ERC2: variants seen among roughly 807,000 people sequenced by gnomAD.
The protein encoded by ERC2 is ERC protein 2.
ERC2 carries 42 observed loss-of-function variants against 114.8 expected under a neutral mutation model. That is an observed-to-expected ratio of 0.37 (90% CI 0.29 to 0.47). ERC2 has a LOEUF of 0.47. Ranked by LOEUF, ERC2 falls within the 20% of genes least tolerant of loss-of-function variation. The probability of loss-of-function intolerance (pLI) is 0.99; values close to 1 mark genes in which losing one functional copy is unlikely to be tolerated. For missense variants in ERC2, 939 were observed against 1,150.7 expected, an observed-to-expected ratio of 0.82 and a Z score of 2.66; for synonymous variants, 454 against 425.5, an observed-to-expected ratio of 1.07 and a Z score of -0.82.
intron 12 of ERC2, among the ~76,000 whole-genome samples, chr3:55,956,892 C>G (rs1386490428): frequency 6.6e-6 from 1 of 151,998 alleles, no homozygotes; most frequent in African/African-American, 2.4e-5. Flanking sequence ...GTCCTTGCTC[C>G]CCTGAGGTGA....
intron 3 of ERC2, among the ~76,000 whole-genome samples, chr3:56,195,194 G>A (rs1231437416): frequency 6.6e-6 from 1 of 152,100 alleles, no homozygotes; most frequent in South Asian, 2.1e-4. Flanking sequence ...CAACTGATCT[G>A]ATCACCAAGA....
intron 5 of ERC2, among the ~76,000 whole-genome samples, chr3:56,146,919 G>T (rs1175749325): frequency 6.6e-6 from 1 of 152,190 alleles, no homozygotes; most frequent in Non-Finnish European, 1.5e-5. Flanking sequence ...CTAACTCAAG[G>T]ATTGATGGTC....
chr3:55,557,157 AT>A (rs2055673339), intron 17 of ERC2, among the ~76,000 whole-genome samples: 1 of 152,202 alleles, frequency 6.6e-6, no homozygotes, highest in Non-Finnish European at 1.5e-5. Context: ...CAGGAAAAGG[AT>A]TCATGGAGAT....
chr3:56,450,985 T>C (rs948707816), intron 1 of ERC2, among the ~76,000 whole-genome samples: 1 of 152,178 alleles, frequency 6.6e-6, no homozygotes, highest in Non-Finnish European at 1.5e-5. Flanking sequence ...TAAAGTCTCA[T>C]AAATAGAACA....
rs1227925005 is a variant in ERC2, at chr3:55,754,084, A to AT, written c.2565-19167dup. The stretch of plus-strand genomic sequence containing the variant: ...ATTATTATAAATGCAAGCTATAGTT[A>AT]TTTTTTACCATTACTATGAGTGTGG... On this transcript the variant is annotated intron_variant, in intron 14 of 17. Coordinates refer to ENST00000288221, the MANE Select transcript of ERC2 (RefSeq NM_015576.3). Among the ~76,000 whole-genome samples the AT allele has an allele frequency of 2.0e-4, 31 of 152,236 alleles. No homozygotes were observed. The East Asian group carries it at 4.4e-3, about 22-fold the overall frequency.
At chr3:56,388,506 T>C (rs1035863214) in intron 2 of ERC2, among the ~76,000 whole-genome samples, 1 of 152,162 alleles carries the variant, frequency 6.6e-6, no homozygotes, top group Non-Finnish European at 1.5e-5. Flanking sequence ...AATAAATGTA[T>C]TTTCTTTATA....
At chr3:56,463,109 T>A (rs575063809) in intron 1 of ERC2, among the ~76,000 whole-genome samples, 1 of 152,230 alleles carries the variant, frequency 6.6e-6, no homozygotes, top group South Asian at 2.1e-4. Flanking sequence ...GCACCTGTAG[T>A]TCCAGCTACT....
At chr3:56,023,686 G>A (rs1302338273) in intron 7 of ERC2, among the ~76,000 whole-genome samples, 3 of 151,794 alleles carry the variant, frequency 2.0e-5, no homozygotes, top group Non-Finnish European at 4.4e-5. Flanking sequence ...CAAGAGCTCT[G>A]TTCTACTCAC....
At chr3:55,992,354 C>A in intron 10 of ERC2, 104 bp from the exon 11 acceptor site, 14 of 1,052,958 alleles carry the variant, frequency 1.3e-5, no homozygotes, top group Non-Finnish European at 1.9e-5. Flanking sequence ...AGAAAATCAC[C>A]ACCAAGATTT....
intron 3 of ERC2, among the ~76,000 whole-genome samples, chr3:56,218,128 A>C (rs2049621004): frequency 6.6e-6 from 1 of 152,224 alleles, no homozygotes; most frequent in Non-Finnish European, 1.5e-5. Flanking sequence ...CAAAAGCCAA[A>C]ATTGACAAAT....
intron 7 of ERC2, among the ~76,000 whole-genome samples, chr3:56,032,554 C>T (rs2074434069): frequency 6.6e-6 from 1 of 151,808 alleles, no homozygotes; most frequent in Non-Finnish European, 1.5e-5. Context: ...CCAAAAGAAT[C>T]CCAAATAAAT....
chr3:55,681,467 T>C (rs964324603), intron 17 of ERC2, among the ~76,000 whole-genome samples: 1 of 152,234 alleles, frequency 6.6e-6, no homozygotes, highest in Non-Finnish European at 1.5e-5. Flanking sequence ...TAGTTATAAA[T>C]TTAATGTCTC....
chr3:56,032,883 GAA>G lies in ERC2; in HGVS notation c.1642-13854_1642-13853del, dbSNP rs1178652865. 1.9e-3 allele frequency among the ~76,000 whole-genome samples: 212 copies of G among 109,914 alleles called. 2 individuals are homozygous for G. The highest frequency in any genetic ancestry group is 4.8e-3 in the African/African-American group (153 of 31,746). 72.1% of individuals were successfully genotyped at this position (109,914 alleles called of 152,430 possible). On this transcript the variant is annotated intron_variant, in intron 7 of 17. Coordinates refer to ENST00000288221, the MANE Select transcript of ERC2 (RefSeq NM_015576.3). ...GGAAAGAAAGAAAGAAAGAAAGAAA[GAA>G]AGAGAGAGAGAGAGACAGAAAGAAA...
intron 7 of ERC2, among the ~76,000 whole-genome samples, chr3:56,046,578 A>G (rs2075473956): frequency 6.6e-6 from 1 of 152,208 alleles, no homozygotes; most frequent in Non-Finnish European, 1.5e-5. Flanking sequence ...CAACCATAAA[A>G]CAAAGAGGCT....
At chr3:56,263,058 G>A (rs2053049470) in intron 3 of ERC2, among the ~76,000 whole-genome samples, 1 of 152,154 alleles carries the variant, frequency 6.6e-6, no homozygotes, top group Admixed American at 6.5e-5. Flanking sequence ...TCATCTTACT[G>A]CCTTTGGCAA....
At chr3:55,891,922 A>C (rs1334185627) in intron 13 of ERC2, among the ~76,000 whole-genome samples, 1 of 152,162 alleles carries the variant, frequency 6.6e-6, no homozygotes, top group Non-Finnish European at 1.5e-5. Flanking sequence ...CATGCCCCCA[A>C]GTCTCTGTCC....
At chr3:55,885,938 A>C (rs926518435) in intron 14 of ERC2, among the ~76,000 whole-genome samples, 2 of 152,216 alleles carry the variant, frequency 1.3e-5, no homozygotes, top group African/African-American at 4.8e-5. Context: ...CTGATGACTC[A>C]CAAACCAGCA....
intron 17 of ERC2, among the ~76,000 whole-genome samples, chr3:55,528,154 A>ATT (rs1255445934): frequency 2.6e-5 from 4 of 152,238 alleles, no homozygotes; most frequent in African/African-American, 4.8e-5. Flanking sequence ...AAATGCATTA[A>ATT]TATTAACCAA....
intron 17 of ERC2, among the ~76,000 whole-genome samples, chr3:55,584,548 C>T (rs2057495756): frequency 6.6e-6 from 1 of 152,108 alleles, no homozygotes; most frequent in South Asian, 2.1e-4. Context: ...TACCTTCCCA[C>T]TTACCCTATT....
Sources: gnomAD v4.1 joint callset for allele counts (sites outside exome capture counted in the v4.1 genomes callset) on GRCh38, gnomAD v4.1.1 for gene constraint, MANE v1.5 for transcripts, NCBI Gene and HGNC (gene_info 2026-07-23, HGNC 2026-07-21) for gene names.